The following B3GALT1 variants were observed in gnomAD, a reference collection of about 807,000 sequenced individuals.
B3GALT1 encodes UDP-Gal:betaGlcNAc beta 1,3-galactosyltransferase, polypeptide 1.
Under a neutral mutation model 23.2 loss-of-function variants are expected in B3GALT1, and 10 were observed. The observed-to-expected ratio is 0.43, with a 90% CI of 0.27 to 0.73. The LOEUF is 0.73. Ranked by LOEUF, B3GALT1 falls within the 30% of genes least tolerant of loss-of-function variation. The probability of loss-of-function intolerance (pLI) is 0.21; values close to 1 mark genes in which losing one functional copy is unlikely to be tolerated. For synonymous variants in B3GALT1, 156 were observed against 141.5 expected (o/e 1.10, Z -0.73); for missense variants, 299 against 405.4 (o/e 0.74, Z 2.25).
chr2:167,845,518 T>C (rs1232238818), intron 4 of B3GALT1, among the ~76,000 whole-genome samples: 1 of 152,138 alleles, frequency 6.6e-6, no homozygotes, highest in African/African-American at 2.4e-5. Flanking sequence ...GCATTTTGGC[T>C]TGCAGGAAGC....
chr2:167,473,138 C>T (rs561618465), intron 1 of B3GALT1, among the ~76,000 whole-genome samples: 2 of 152,238 alleles, frequency 1.3e-5, no homozygotes, highest in African/African-American at 4.8e-5. Flanking sequence ...CTTGTGAACT[C>T]ATCTCTTAAT....
intron 3 of B3GALT1, among the ~76,000 whole-genome samples, chr2:167,666,297 G>A (rs185161006): frequency 7.9e-5 from 12 of 152,286 alleles, no homozygotes; most frequent in Non-Finnish European, 1.8e-4. Flanking sequence ...TAGTTTGATT[G>A]CACTGTGGTC....
At chr2:167,304,929 G>A (rs1380591891) in intron 1 of B3GALT1, among the ~76,000 whole-genome samples, 8 of 152,250 alleles carry the variant, frequency 5.3e-5, no homozygotes, top group Admixed American at 1.3e-4. Context: ...GACGGGAGAA[G>A]ATAGCTGTCC....
At chr2:167,707,697 G>A (rs541657298) in intron 3 of B3GALT1, among the ~76,000 whole-genome samples, 1 of 151,940 alleles carries the variant, frequency 6.6e-6, no homozygotes, top group South Asian at 2.1e-4. Flanking sequence ...TTCTCTTTAA[G>A]GTCAGCTGAT....
At chr2:167,306,304 T>C (rs913445500) in intron 1 of B3GALT1, among the ~76,000 whole-genome samples, 7 of 151,988 alleles carry the variant, frequency 4.6e-5, no homozygotes, top group Admixed American at 3.9e-4. Flanking sequence ...ATGCACATGC[T>C]TTAATGTTTC....
chr2:167,507,582 A>T (rs1699939894), intron 2 of B3GALT1, among the ~76,000 whole-genome samples: 1 of 151,656 alleles, frequency 6.6e-6, no homozygotes, highest in Non-Finnish European at 1.5e-5. Flanking sequence ...AATGAAAATA[A>T]TTTTTTACTG....
chr2:167,295,768 C>CGT (rs57375833), intron 1 of B3GALT1, among the ~76,000 whole-genome samples: 16,863 of 143,320 alleles, frequency 0.12, 1,025 homozygotes, highest in Middle Eastern at 0.19. Context: ...TGTGTGTGTA[C>CGT]GTGTGTGTGT....
In B3GALT1 at chr2:167,678,827, G is replaced by A. The variant is rs1340427011; in HGVS notation, c.-352+31861G>A. 5.3e-5 allele frequency among the ~76,000 whole-genome samples: 8 copies of A among 152,070 alleles called. No individual in the cohort carries two copies. In the East Asian group the frequency reaches 5.8e-4, roughly 11 times the overall value. Reference sequence around the variant, plus strand: ...TCATTGTTTTCTGGATACACTTTACGTAAGTATATTAAACATGCTTATTTG... The same window carrying A: ...TCATTGTTTTCTGGATACACTTTACATAAGTATATTAAACATGCTTATTTG... On this transcript the variant is annotated intron_variant, in intron 3 of 4. Transcript: ENST00000392690.
intron 4 of B3GALT1, among the ~76,000 whole-genome samples, chr2:167,825,022 C>T (rs1390426480): frequency 6.6e-6 from 1 of 151,980 alleles, no homozygotes; most frequent in South Asian, 2.1e-4. Flanking sequence ...ACAAGCAAAA[C>T]TGCCTGTAAT....
intron 1 of B3GALT1, among the ~76,000 whole-genome samples, chr2:167,319,923 GGTTATTACTTACATACCTTAAGTGACTTA>G (rs1414982719): frequency 3.3e-5 from 5 of 152,032 alleles, no homozygotes; most frequent in African/African-American, 1.2e-4. Context: ...TAAGTGACTT[GGTTATTACTTACATACCTTAAGTGACTTA>G]GTTATTACTT....
intron 3 of B3GALT1, among the ~76,000 whole-genome samples, chr2:167,773,849 C>T (rs1000228972): frequency 6.6e-6 from 1 of 152,226 alleles, no homozygotes; most frequent in Non-Finnish European, 1.5e-5. Flanking sequence ...AGTGGTCATT[C>T]ATTCTTGCCA....
chr2:167,515,023 TA>T lies in B3GALT1; in HGVS notation c.-410+24747del, dbSNP rs1187174484. Among the ~76,000 whole-genome samples the T allele has an allele frequency of 3.3e-5, 5 of 152,264 alleles. No individual in the cohort carries two copies. In the East Asian group the frequency reaches 9.6e-4, roughly 29 times the overall value. On this transcript the variant is annotated intron_variant, in intron 2 of 4. Coordinates refer to ENST00000392690, the MANE Select transcript of B3GALT1 (RefSeq NM_020981.4). ...TTTACTTAGAAATAGACCAAAAGTT[TA>T]GTAAAAAATTGAGTATAAATATTTT...
intron 3 of B3GALT1, among the ~76,000 whole-genome samples, chr2:167,744,689 T>G (rs992497916): frequency 3.9e-5 from 6 of 152,060 alleles, no homozygotes; most frequent in Admixed American, 2.0e-4. Flanking sequence ...CCTCCCGAGT[T>G]CAAGCGATTC....
chr2:167,799,795 C>G (rs1688605885), intron 3 of B3GALT1, among the ~76,000 whole-genome samples: 2 of 152,108 alleles, frequency 1.3e-5, no homozygotes, highest in Admixed American at 1.3e-4. Context: ...AGGTTGTAAT[C>G]TCATTAAGAA....
chr2:167,641,379 C>T (rs988109038), intron 2 of B3GALT1, among the ~76,000 whole-genome samples: 1 of 152,092 alleles, frequency 6.6e-6, no homozygotes, highest in Admixed American at 6.6e-5. Context: ...ATCCATCTTC[C>T]TAAATCCAGT....
chr2:167,665,831 T>C (rs767634179), intron 3 of B3GALT1, among the ~76,000 whole-genome samples: 6 of 151,404 alleles, frequency 4.0e-5, no homozygotes, highest in Non-Finnish European at 7.4e-5. Context: ...ATTTTTATTG[T>C]GTCTATTTGA....
chr2:167,783,525 G>C (rs1351561440), intron 3 of B3GALT1, among the ~76,000 whole-genome samples: 1 of 152,134 alleles, frequency 6.6e-6, no homozygotes, highest in African/African-American at 2.4e-5. Context: ...AAAAGGAATA[G>C]ACATTTTCCA....
At chr2:167,609,719 T>C (rs2105430705) in intron 2 of B3GALT1, among the ~76,000 whole-genome samples, 1 of 152,238 alleles carries the variant, frequency 6.6e-6, no homozygotes, top group East Asian at 1.9e-4. Flanking sequence ...CTTGAGAGGG[T>C]CACTGGCAAA....
intron 1 of B3GALT1, among the ~76,000 whole-genome samples, chr2:167,422,432 C>G (rs1039068320): frequency 6.6e-5 from 10 of 152,144 alleles, no homozygotes; most frequent in African/African-American, 2.4e-4. Flanking sequence ...GTTGAAGCAG[C>G]CTGAGCTGAG....
Sources: gnomAD v4.1 joint callset for allele counts (sites outside exome capture counted in the v4.1 genomes callset) on GRCh38, gnomAD v4.1.1 for gene constraint, MANE v1.5 for transcripts, NCBI Gene and HGNC (gene_info 2026-07-23, HGNC 2026-07-21) for gene names.